AFF1: variants seen among roughly 807,000 people sequenced by gnomAD.
AFF1 encodes ALF transcription elongation factor 1.
AFF1 carries 48 observed loss-of-function variants against 121.7 expected under a neutral mutation model. The ratio of observed to expected loss-of-function variants is 0.39; its 90% CI spans 0.31 to 0.50. The LOEUF (loss-of-function observed/expected upper bound fraction) is 0.50. Among genes scored for constraint, AFF1 ranks in the 20% least tolerant of loss-of-function variants. AFF1 has a pLI of 0.76. For missense variants in AFF1, 1,523 were observed against 1,511.7 expected (o/e 1.01, Z -0.12); for synonymous variants, 613 against 563.0 (o/e 1.09, Z -1.26).
At chr4:87,127,266 T>C (rs1728372035) in intron 15 of AFF1, 149 bp downstream of exon 15, 1 of 688,910 alleles carries the variant, frequency 1.5e-6, no homozygotes, top group Admixed American at 2.5e-5. Flanking sequence ...GTTCAAGTGA[T>C]TCTCCTGCCT....
intron 4 of AFF1, among the ~76,000 whole-genome samples, chr4:87,064,155 C>T (rs2149660659): frequency 6.6e-6 from 1 of 152,276 alleles, no homozygotes; most frequent in African/African-American, 2.4e-5. Context: ...GCTTTTTGAG[C>T]CCCGTCACAT....
At chr4:87,035,441 G>A (rs953613610) in intron 2 of AFF1, among the ~76,000 whole-genome samples, 112 of 152,208 alleles carry the variant, frequency 7.4e-4, no homozygotes, top group African/African-American at 2.6e-3. Context: ...GGCGCCTGTA[G>A]TCCCAGCTAC....
intron 2 of AFF1, among the ~76,000 whole-genome samples, chr4:86,975,503 G>A (rs1474154381): frequency 2.6e-5 from 4 of 152,014 alleles, no homozygotes; most frequent in Non-Finnish European, 5.9e-5. Context: ...CTCCTGCCTC[G>A]GCCTCCCAAA....
In AFF1 at chr4:87,084,103, T is replaced by C; in HGVS notation, c.1060-17T>C. The C allele has an allele frequency of 6.2e-7, 1 of 1,613,662 alleles. No individual in the cohort carries two copies. The highest frequency in any genetic ancestry group is 8.5e-7 in the Non-Finnish European group (1 of 1,179,620). The stretch of plus-strand genomic sequence containing the variant: ...CTCTGGTTTGCTAACCTTTTATTTT[T>C]TGCTTTTCACTTTCAGCAGACCTAC... On this transcript the variant is annotated splice_polypyrimidine_tract_variant and intron_variant, in intron 4 of 20. Transcript: ENST00000395146.
At chr4:86,970,006 C>T (rs917336281) in intron 2 of AFF1, among the ~76,000 whole-genome samples, 1 of 151,352 alleles carries the variant, frequency 6.6e-6, no homozygotes, top group Admixed American at 6.6e-5. Context: ...GCTATATCTA[C>T]CTAGATAAAC....
intron 11 of AFF1, among the ~76,000 whole-genome samples, chr4:87,108,711 A>G (rs1203001950): frequency 6.6e-6 from 1 of 152,240 alleles, no homozygotes; most frequent in Non-Finnish European, 1.5e-5. Context: ...AAATGCATGA[A>G]TTAAAGCAAA....
At chr4:87,099,150 C>G (rs1487345369) in intron 8 of AFF1, among the ~76,000 whole-genome samples, 3 of 152,106 alleles carry the variant, frequency 2.0e-5, no homozygotes, top group Admixed American at 6.5e-5. Context: ...ACCGTTTGAA[C>G]CTGGATATTT....
chr4:86,986,709 A>T (rs1448818634), intron 2 of AFF1, among the ~76,000 whole-genome samples: 2 of 152,174 alleles, frequency 1.3e-5, no homozygotes. Context: ...TTTGGCTCTG[A>T]ACACACTAAT....
intron 2 of AFF1, chr4:86,973,877 A>T (rs1723112704): frequency 6.6e-6 from 1 of 151,960 alleles, no homozygotes; most frequent in African/African-American, 2.4e-5. Context: ...AATCTGATAG[A>T]TCAAAGATGA....
intron 4 of AFF1, among the ~76,000 whole-genome samples, chr4:87,079,890 C>T (rs1723005852): frequency 6.6e-6 from 1 of 152,118 alleles, no homozygotes; most frequent in Non-Finnish European, 1.5e-5. Context: ...ATGTATCTTA[C>T]AGTTGATGGG....
chr4:86,964,067 C>G lies in AFF1; in HGVS notation c.38+15496C>G, dbSNP rs1722352983. ...TCCTGGCCTCAAGCAGTCCTCCTGCCTCGGCCTCCCAAAGTGCTGGGATTA... is the reference window on the plus strand; with the variant it reads ...TCCTGGCCTCAAGCAGTCCTCCTGCGTCGGCCTCCCAAAGTGCTGGGATTA... On this transcript the variant is annotated intron_variant, in intron 2 of 20. Coordinates refer to ENST00000395146, the MANE Select transcript of AFF1 (RefSeq NM_001166693.3). Among the ~76,000 whole-genome samples the G allele has an allele frequency of 2.0e-5, 3 of 150,286 alleles. 1 individual carries two copies. Among genetic ancestry groups the G allele is most frequent in the African/African-American group, 7.4e-5 (3 of 40,788 alleles).
intron 2 of AFF1, among the ~76,000 whole-genome samples, chr4:87,022,118 T>C (rs947156320): frequency 6.8e-6 from 1 of 146,080 alleles, no homozygotes; most frequent in Non-Finnish European, 1.5e-5. Context: ...GGTGGGAGAA[T>C]GTCTTGAACC....
intron 2 of AFF1, among the ~76,000 whole-genome samples, chr4:86,983,812 T>C (rs1006100975): frequency 2.0e-5 from 3 of 151,508 alleles, no homozygotes; most frequent in African/African-American, 7.3e-5. Context: ...CCGAGGCAGG[T>C]GGATCACGAG....
chr4:87,048,260 T>C (rs1167251782), intron 4 of AFF1, among the ~76,000 whole-genome samples: 3 of 152,214 alleles, frequency 2.0e-5, no homozygotes, highest in Admixed American at 2.0e-4. Context: ...GTCACAAATA[T>C]AATACAGAAT....
intron 2 of AFF1, among the ~76,000 whole-genome samples, chr4:86,998,127 A>AAAAAC (rs1725382902): frequency 7.7e-6 from 1 of 129,992 alleles, no homozygotes; most frequent in Admixed American, 7.8e-5. Context: ...AAAAAAAAAA[A>AAAAAC]CAAGAAAACT....
At chr4:87,119,819 A>G (rs1377748928) in intron 12 of AFF1, among the ~76,000 whole-genome samples, 2 of 152,232 alleles carry the variant, frequency 1.3e-5, no homozygotes, top group African/African-American at 4.8e-5. Context: ...TTTTTGGGAA[A>G]GACATTCCAG....
At chr4:86,975,641 G>A (rs949073226) in intron 2 of AFF1, among the ~76,000 whole-genome samples, 1 of 152,160 alleles carries the variant, frequency 6.6e-6, no homozygotes, top group Non-Finnish European at 1.5e-5. Context: ...AACTCATTAA[G>A]ACAGCCTTTT....
In AFF1 at chr4:86,982,388, C is replaced by CTTTT. The variant is rs70953632; in HGVS notation, c.38+33843_38+33846dup. ...GCGCTGTTCAAAGAAAAAAAATTGGCTTTTTTTTTTTTTTTTTTTTTTTTT... is the reference window on the plus strand; with the variant it reads ...GCGCTGTTCAAAGAAAAAAAATTGGCTTTTTTTTTTTTTTTTTTTTTTTTTTTTT... On this transcript the variant is annotated intron_variant, in intron 2 of 20. Transcript: ENST00000395146. 5.5e-4 allele frequency among the ~76,000 whole-genome samples: 32 copies of CTTTT among 58,596 alleles called. 1 individual carries two copies. The highest frequency in any genetic ancestry group is 1.1e-3 in the South Asian group (1 of 938). The allele number at this position is 58,596 out of a possible 152,430, so 38.4% of individuals were successfully genotyped here.
chr4:86,991,570 G>A (rs1302203613), intron 2 of AFF1, among the ~76,000 whole-genome samples: 1 of 152,092 alleles, frequency 6.6e-6, no homozygotes, highest in African/African-American at 2.4e-5. Flanking sequence ...TCGCTTTATA[G>A]TCACAAAATG....
Sources: allele counts gnomAD v4.1 joint callset (sites outside exome capture counted in the v4.1 genomes callset), GRCh38; gene constraint gnomAD v4.1.1; transcripts MANE v1.5; gene names NCBI Gene and HGNC (gene_info 2026-07-23, HGNC 2026-07-21).